Variants in TENM3 observed in about 807,000 individuals in gnomAD.
TENM3 encodes teneurin transmembrane protein 3, also known as teneurin-3.
A neutral mutation model predicts 255.1 loss-of-function variants in TENM3; 63 were observed. The observed-to-expected ratio is 0.25, with a 90% CI of 0.20 to 0.30. The LOEUF is 0.30. TENM3 is among the 10% of genes least tolerant of loss of function. The pLI is 1.00. For synonymous variants in TENM3, 1,306 were observed against 1,322.3 expected (o/e 0.99, Z 0.27); for missense variants, 2,929 against 3,461.1 (o/e 0.85, Z 3.86).
intron 3 of TENM3, among the ~76,000 whole-genome samples, chr4:182,489,055 AG>A (rs1213471301): frequency 6.6e-6 from 1 of 152,174 alleles, no homozygotes; most frequent in Non-Finnish European, 1.5e-5. Context: ...TTTCTTGAAA[AG>A]TGAGTATACA....
chr4:182,099,540 T>C, the TENM3 span, among the ~76,000 whole-genome samples: 2 of 152,078 alleles, frequency 1.3e-5, no homozygotes, highest in Non-Finnish European at 2.9e-5. Context: ...AAGAAGAATA[T>C]TTTGTACCAT....
intron 1 of TENM3, among the ~76,000 whole-genome samples, chr4:182,160,019 T>TTTTTTTTTTTTTTTTTTTC (rs1456318331): frequency 5.3e-5 from 8 of 151,178 alleles, no homozygotes; most frequent in Non-Finnish European, 8.9e-5. Flanking sequence ...GTTCTTTTTT[T>TTTTTTTTTTTTTTTTTTTC]TGAGACGGAG....
the TENM3 span, among the ~76,000 whole-genome samples, chr4:181,611,515 T>C: frequency 1.3e-5 from 2 of 152,212 alleles, no homozygotes; most frequent in African/African-American, 2.4e-5. Flanking sequence ...TTTTAGTCTA[T>C]TCAAGATTTA....
chr4:181,889,271 A>C, the TENM3 span, among the ~76,000 whole-genome samples: 1 of 151,966 alleles, frequency 6.6e-6, no homozygotes, highest in African/African-American at 2.4e-5. Context: ...GGTGTTTGAA[A>C]GTGTGTGGCA....
chr4:181,739,211 CA>C, the TENM3 span, among the ~76,000 whole-genome samples: 530 of 152,266 alleles, frequency 3.5e-3, 5 homozygotes, highest in Middle Eastern at 0.014. Flanking sequence ...AATAATTAGA[CA>C]GGGGTCCAAT....
the TENM3 span, among the ~76,000 whole-genome samples, chr4:181,663,376 G>A: frequency 6.6e-6 from 1 of 152,016 alleles, no homozygotes; most frequent in Non-Finnish European, 1.5e-5. Context: ...TTCTCCAAAG[G>A]CACATGGATT....
chr4:182,473,539 G>C (rs1733360164), intron 3 of TENM3, among the ~76,000 whole-genome samples: 1 of 152,162 alleles, frequency 6.6e-6, no homozygotes, highest in Non-Finnish European at 1.5e-5. Context: ...CAGGCGTGGT[G>C]GCGGGTGCCT....
chr4:181,977,545 T>C, the TENM3 span, among the ~76,000 whole-genome samples: 1 of 152,136 alleles, frequency 6.6e-6, no homozygotes, highest in Admixed American at 6.6e-5. Context: ...GCATTAAGGA[T>C]GTTTTACTAA....
the TENM3 span, among the ~76,000 whole-genome samples, chr4:182,042,508 G>A: frequency 6.6e-6 from 1 of 152,114 alleles, no homozygotes; most frequent in Non-Finnish European, 1.5e-5. Context: ...TGGGCTTAAT[G>A]GGTTGAACTC....
intron 3 of TENM3, among the ~76,000 whole-genome samples, chr4:182,463,273 ACT>A (rs1732232843): frequency 6.6e-6 from 1 of 152,168 alleles, no homozygotes; most frequent in African/African-American, 2.4e-5. Context: ...ACTCGGTGTT[ACT>A]CTGTTTGATT....
At chr4:181,904,695 A>G in the TENM3 span, among the ~76,000 whole-genome samples, 10 of 152,096 alleles carry the variant, frequency 6.6e-5, no homozygotes, top group African/African-American at 2.2e-4. Flanking sequence ...ATGCTCCATG[A>G]TTCTCTCTCA....
chr4:182,525,439 AAT>A (rs1739055363), intron 3 of TENM3, among the ~76,000 whole-genome samples: 2 of 152,242 alleles, frequency 1.3e-5, no homozygotes. Context: ...GTCATACAGT[AAT>A]AGTTGCCAAA....
At chr4:182,219,518 A>C (rs1290329930) in intron 1 of TENM3, among the ~76,000 whole-genome samples, 1 of 152,112 alleles carries the variant, frequency 6.6e-6, no homozygotes, top group Non-Finnish European at 1.5e-5. Flanking sequence ...TTAAAAAATT[A>C]GCCAGGCGTA....
At chr4:181,996,369 T>C in the TENM3 span, among the ~76,000 whole-genome samples, 1 of 151,930 alleles carries the variant, frequency 6.6e-6, no homozygotes, top group Admixed American at 6.6e-5. Flanking sequence ...CAGGAATGGA[T>C]GATGGACAGC....
intron 3 of TENM3, among the ~76,000 whole-genome samples, chr4:182,531,094 T>C (rs1421924914): frequency 6.6e-6 from 1 of 152,004 alleles, no homozygotes; most frequent in East Asian, 1.9e-4. Flanking sequence ...TGGAGGAGAA[T>C]GGACCAGTGA....
chr4:182,276,158 G>C (rs1278144380), intron 1 of TENM3, among the ~76,000 whole-genome samples: 2 of 152,170 alleles, frequency 1.3e-5, no homozygotes, highest in African/African-American at 2.4e-5. Context: ...TCCAAAAAGA[G>C]AGGGTCTTTG....
chr4:182,555,808 A>T (rs1742526074), intron 3 of TENM3, among the ~76,000 whole-genome samples: 2 of 151,842 alleles, frequency 1.3e-5, no homozygotes, highest in African/African-American at 4.8e-5. Flanking sequence ...AACTTAAGTC[A>T]TTAATCCACT....
the TENM3 span, among the ~76,000 whole-genome samples, chr4:181,900,779 C>T: frequency 6.6e-6 from 1 of 152,344 alleles, no homozygotes; most frequent in East Asian, 1.9e-4. Context: ...CTGCTCCCTT[C>T]CTTTCCCCCG....
In TENM3 at chr4:182,577,214, A is replaced by G. The variant is rs143369385; in HGVS notation, c.512-23710A>G. Among the ~76,000 whole-genome samples the G allele has an allele frequency of 2.7e-3, 414 of 152,338 alleles. 1 individual carries two copies. The highest frequency in any genetic ancestry group is 9.2e-3 in the African/African-American group (381 of 41,580). On this transcript the variant is annotated intron_variant, in intron 3 of 27. Transcript: ENST00000511685. ...TCATCTCTTAGATTATTTACCAGAT[A>G]ATACTTCATCTCTCTGTATATCTGT...
Sources: allele counts gnomAD v4.1 joint callset (sites outside exome capture counted in the v4.1 genomes callset), GRCh38; gene constraint gnomAD v4.1.1; transcripts MANE v1.5; gene names NCBI Gene and HGNC (gene_info 2026-07-23, HGNC 2026-07-21).